The following QSER1 variants were observed in gnomAD, a reference collection of about 807,000 sequenced individuals.
QSER1 encodes the protein glutamine and serine rich 1, also known as glutamine and serine-rich protein 1.
A neutral mutation model predicts 158.5 loss-of-function variants in QSER1; 49 were observed. The observed-to-expected ratio is 0.31, with a 90% CI of 0.25 to 0.39. The LOEUF (loss-of-function observed/expected upper bound fraction) is 0.39, where lower values mean the gene tolerates loss of function less well. QSER1 is among the 10% of genes least tolerant of loss of function. The probability of loss-of-function intolerance (pLI) is 1.00; values close to 1 mark genes in which losing one functional copy is unlikely to be tolerated. For missense variants in QSER1, 1,754 were observed against 2,010.3 expected (o/e 0.87, Z 2.44); for synonymous variants, 650 against 715.5 (o/e 0.91, Z 1.46).
chr11:32,932,826 A>G lies in QSER1; in HGVS notation c.1568A>G (p.Tyr523Cys), dbSNP rs1852072753. The change falls in exon 4 of 13, where the codon TAT becomes TGT. Residue 523 changes from tyrosine (Y) to cysteine (C), a missense_variant. Physicochemically the swap from Tyr to Cys is radical, Grantham distance 194. Transcript: ENST00000650167. Reference protein sequence around the residue: ...TVTPENQTLNYSSNQQEVLSS... With the variant: ...TVTPENQTLNCSSNQQEVLSS... ...ACTCCTGAAAATCAGACGCTTAATT[A>G]TTCATCTAATCAGCAAGAGGTATTG... 6.2e-7 allele frequency: 1 copy of G among 1,613,928 alleles called. No individual in the cohort carries two copies. The highest frequency in any genetic ancestry group is 1.7e-5 in the Admixed American group (1 of 59,972).
rs368031810 is a variant in QSER1 at position 32,934,812 on chromosome 11, G to C, written c.3554G>C (p.Ser1185Thr). 3.8e-5 allele frequency: 61 copies of C among 1,613,948 alleles called. No individual in the cohort carries two copies. Among genetic ancestry groups the C allele is most frequent in the Non-Finnish European group, 4.9e-5 (58 of 1,180,020 alleles). ...ATGGCCCAATCTGGGGATGCAGTCA[G>C]TGTCAAGATTGAAGAAGAAAACCAA... ...LAMAQSGDAV[S>T]VKIEEENQDL... The change falls in exon 4 of 13, where the codon AGT becomes ACT. Residue 1185 changes from serine (S) to threonine (T), a missense_variant. This residue lies in a region of QSER1 where 1,707 missense variants were observed against 1,919.6 expected (regional missense o/e 0.89). Transcript: ENST00000650167.
chr11:32,897,764 A>G (rs1040520877), intron 1 of QSER1, among the ~76,000 whole-genome samples: 2 of 152,028 alleles, frequency 1.3e-5, no homozygotes, highest in Admixed American at 6.6e-5. Flanking sequence ...CACATAACCA[A>G]CTACCTCTTT....
At position 32,928,011 on chromosome 11, in the gene QSER1, TAAA is replaced by T; in HGVS notation, c.373_375del (p.Lys125del). 6.5e-7 allele frequency: 1 copy of T among 1,545,372 alleles called. No individual in the cohort carries two copies. ...GTGTGAACAGTGCCAGCAGTAACAC[TAAA>T]GAGTCTTCAGTGATGAATTTTCTGT... On this transcript the variant is annotated inframe_deletion, in exon 3 of 13. Coordinates refer to ENST00000650167, the MANE Select transcript of QSER1 (RefSeq NM_001076786.3).
intron 4 of QSER1, among the ~76,000 whole-genome samples, chr11:32,943,279 G>A (rs985317261): frequency 6.7e-5 from 10 of 148,476 alleles, no homozygotes; most frequent in African/African-American, 2.0e-4. Context: ...TGTTGAATAG[G>A]AGTGGTGAGA....
intron 7 of QSER1, among the ~76,000 whole-genome samples, chr11:32,957,134 CTTTTT>C (rs548632242): frequency 1.6e-5 from 2 of 127,874 alleles, no homozygotes; most frequent in Admixed American, 1.6e-4. Context: ...CTTTTTTTTT[CTTTTT>C]TTTTTTTTTT....
In QSER1 at chr11:32,977,027, C is replaced by T. The variant is rs1255291790; in HGVS notation, c.*553C>T. The T allele has an allele frequency of 1.3e-5, 2 of 152,652 alleles. No homozygotes were observed. Among genetic ancestry groups the T allele is most frequent in the Non-Finnish European group, 2.9e-5 (2 of 68,048 alleles). 9.5% of individuals were successfully genotyped at this position (152,652 alleles called of 1,614,324 possible). On this transcript the variant is annotated 3_prime_UTR_variant, in exon 13 of 13. Transcript: ENST00000650167. ...TATTCTGCTTTACAGACTCCTTTTA[C>T]TCTTAACATGTTCAGGAAACTGGAT...
chr11:32,968,136 T>G (rs1231746619), intron 9 of QSER1, among the ~76,000 whole-genome samples: 1 of 152,222 alleles, frequency 6.6e-6, no homozygotes, highest in Non-Finnish European at 1.5e-5. Flanking sequence ...TTTTTAAGAT[T>G]ATTTTTAAAT....
At chr11:32,946,370 A>C (rs1419455702) in intron 4 of QSER1, among the ~76,000 whole-genome samples, 2 of 151,728 alleles carry the variant, frequency 1.3e-5, no homozygotes, top group African/African-American at 2.4e-5. Flanking sequence ...TTGTGGTTTT[A>C]TCTACTTTTG....
At chr11:32,896,908 C>A (rs1851562857) in intron 1 of QSER1, among the ~76,000 whole-genome samples, 1 of 152,032 alleles carries the variant, frequency 6.6e-6, no homozygotes, top group South Asian at 2.1e-4. Flanking sequence ...TGGGAAAAGG[C>A]CTTATAGATC....
chr11:32,973,241 A>T (rs1024507121), intron 10 of QSER1, among the ~76,000 whole-genome samples, 156 bp from the exon 11 acceptor site: 3 of 152,170 alleles, frequency 2.0e-5, no homozygotes, highest in African/African-American at 7.2e-5. Context: ...TCCCATCAGT[A>T]CACACACACC....
intron 3 of QSER1, among the ~76,000 whole-genome samples, chr11:32,930,722 A>G (rs1026126167): frequency 2.0e-5 from 3 of 152,130 alleles, no homozygotes; most frequent in Non-Finnish European, 4.4e-5. Context: ...TGTTGTTTCT[A>G]CTTACTGTAA....
intron 4 of QSER1, among the ~76,000 whole-genome samples, chr11:32,941,666 A>G (rs1226815916): frequency 6.6e-6 from 1 of 152,106 alleles, no homozygotes; most frequent in Non-Finnish European, 1.5e-5. Context: ...AGTCTTTGCC[A>G]TTCTGAATAA....
intron 1 of QSER1, among the ~76,000 whole-genome samples, chr11:32,903,840 G>C (rs1783401420): frequency 2.0e-5 from 3 of 152,144 alleles, no homozygotes; most frequent in Admixed American, 2.0e-4. Flanking sequence ...TGGAACTCCT[G>C]ACCTCAAGTG....
At chr11:32,920,811 C>T (rs1851890636) in intron 1 of QSER1, among the ~76,000 whole-genome samples, 1 of 152,118 alleles carries the variant, frequency 6.6e-6, no homozygotes, top group Non-Finnish European at 1.5e-5. Flanking sequence ...CCACTCCACA[C>T]CTGTTAGGAT....
chr11:32,934,057 A>G lies in QSER1; in HGVS notation c.2799A>G (p.Pro933=), dbSNP rs773550937. ...TGGACCTCTCTGAGTCTTCAAAACC[A>G]TTACAACAACATCTAACAACAAAGG... ...MKMDLSESSK[P]LQQHLTTKGH... Residue 933 remains proline, a synonymous_variant, in exon 4 of 13, where the codon CCA becomes CCG. Coordinates refer to ENST00000650167, the MANE Select transcript of QSER1 (RefSeq NM_001076786.3). 6.2e-7 allele frequency: 1 copy of G among 1,613,828 alleles called. No individual in the cohort carries two copies. Among genetic ancestry groups the G allele is most frequent in the Non-Finnish European group, 8.5e-7 (1 of 1,179,984 alleles).
At chr11:32,974,354 G>A (rs903177445) in intron 11 of QSER1, among the ~76,000 whole-genome samples, 1 of 151,462 alleles carries the variant, frequency 6.6e-6, no homozygotes, top group African/African-American at 2.4e-5. Context: ...TGAGTCCAGG[G>A]AATTGAGACT....
chr11:32,941,882 C>A (rs1852244086), intron 4 of QSER1, among the ~76,000 whole-genome samples: 1 of 151,640 alleles, frequency 6.6e-6, no homozygotes, highest in African/African-American at 2.4e-5. Context: ...TCCACATCCT[C>A]TCCAGCACCT....
intron 1 of QSER1, among the ~76,000 whole-genome samples, chr11:32,895,492 G>T (rs1449833084): frequency 6.6e-6 from 1 of 152,138 alleles, no homozygotes; most frequent in African/African-American, 2.4e-5. Flanking sequence ...AATATGCCTT[G>T]TAAGTCTAAA....
Position 32,955,378 on chromosome 11 carries a change from G to A in QSER1, c.4583G>A (p.Arg1528Gln), listed in dbSNP as rs1250500832. ...TTACAGAAATTTGTTCCTGAAATTC[G>A]AGATGGTCAAAGAGAATTTGCTGCT... ...ALLQKFVPEI[R>Q]DGQREFAATN... The change falls in exon 6 of 13, where the codon CGA (arginine) becomes CAA (glutamine). Residue 1528 changes from arginine to glutamine, a missense_variant. Physicochemically the swap from Arg to Gln is conservative, Grantham distance 43. Around this residue, in one of 2 missense-constraint regions of QSER1, gnomAD observed 1,707 missense variants for 1,919.6 expected, o/e 0.89. Transcript: ENST00000650167. The A allele has an allele frequency of 2.5e-6, 4 of 1,595,910 alleles. No individual in the cohort carries two copies. Among genetic ancestry groups the A allele is most frequent in the South Asian group, 2.3e-5 (2 of 87,716 alleles).
Sources: allele counts gnomAD v4.1 joint callset (sites outside exome capture counted in the v4.1 genomes callset), GRCh38; gene constraint gnomAD v4.1.1; regional missense constraint gnomAD v4.1.1; transcripts MANE v1.5; gene names NCBI Gene and HGNC (gene_info 2026-07-23, HGNC 2026-07-21).